Variants in PGCKA1 observed in about 807,000 individuals in gnomAD.
PGCKA1 encodes the protein PDCD10 and GCKIII kinases-associated protein 1.
chr4:37,458,563 C>T, the PGCKA1 span, among the ~76,000 whole-genome samples: 2 of 152,094 alleles, frequency 1.3e-5, no homozygotes, highest in African/African-American at 2.4e-5. Context: ...GGCCATGTCA[C>T]GTGGGGAGCA....
chr4:37,535,185 C>T, the PGCKA1 span, among the ~76,000 whole-genome samples: 30 of 152,258 alleles, frequency 2.0e-4, no homozygotes, highest in Non-Finnish European at 8.8e-5. Flanking sequence ...TCCATGGACA[C>T]GGCCAGTAAA....
chr4:37,502,934 G>C, the PGCKA1 span, among the ~76,000 whole-genome samples: 1 of 152,112 alleles, frequency 6.6e-6, no homozygotes, highest in African/African-American at 2.4e-5. Context: ...GACTGGCCCT[G>C]TCTGATGGGC....
chr4:37,490,159 A>T, the PGCKA1 span, among the ~76,000 whole-genome samples: 3 of 152,188 alleles, frequency 2.0e-5, no homozygotes, highest in African/African-American at 7.2e-5. Context: ...CTCAGTTTTC[A>T]TTGCTCTCCT....
At chr4:37,528,061 G>C in the PGCKA1 span, among the ~76,000 whole-genome samples, 3 of 152,076 alleles carry the variant, frequency 2.0e-5, no homozygotes, top group African/African-American at 7.2e-5. Context: ...CATAAATACT[G>C]ATATCTGGCT....
the PGCKA1 span, among the ~76,000 whole-genome samples, chr4:37,557,566 A>T: frequency 4.5e-3 from 691 of 152,256 alleles, 5 homozygotes; most frequent in Non-Finnish European, 7.2e-3. Flanking sequence ...GCTCTCTGGG[A>T]TCTCTTTAAT....
chr4:37,484,635 C>T, the PGCKA1 span, among the ~76,000 whole-genome samples: 15,895 of 152,252 alleles, frequency 0.1, 1,055 homozygotes, highest in South Asian at 0.26. Flanking sequence ...TAACAGCCTG[C>T]GGAACTGTGA....
the PGCKA1 span, among the ~76,000 whole-genome samples, chr4:37,579,196 G>T: frequency 3.3e-5 from 5 of 151,906 alleles, no homozygotes; most frequent in African/African-American, 1.2e-4. Context: ...TTAACTTTTT[G>T]TTGTATCTAT....
the PGCKA1 span, among the ~76,000 whole-genome samples, chr4:37,457,987 A>G: frequency 3.3e-5 from 5 of 152,336 alleles, no homozygotes; most frequent in African/African-American, 1.2e-4. Context: ...CCCTAAGTCT[A>G]CAAGAAAAAC....
chr4:37,518,831 A>C, the PGCKA1 span, among the ~76,000 whole-genome samples: 32 of 152,192 alleles, frequency 2.1e-4, no homozygotes, highest in African/African-American at 7.5e-4. Context: ...GTATTGCTCA[A>C]AACATTTTTG....
the PGCKA1 span, among the ~76,000 whole-genome samples, chr4:37,541,454 C>G: frequency 3.3e-5 from 5 of 152,200 alleles, no homozygotes; most frequent in African/African-American, 1.2e-4. Context: ...GACCCTTTAA[C>G]AGGGTGGTGA....
the PGCKA1 span, among the ~76,000 whole-genome samples, chr4:37,542,682 A>G: frequency 1.3e-5 from 2 of 152,170 alleles, no homozygotes; most frequent in Non-Finnish European, 2.9e-5. Context: ...ATTTTAATGT[A>G]TTTAATTTTA....
the PGCKA1 span, among the ~76,000 whole-genome samples, chr4:37,521,894 T>G: frequency 6.6e-6 from 1 of 152,232 alleles, no homozygotes. Flanking sequence ...ATATTTAAAA[T>G]TGTTATATCC....
the PGCKA1 span, among the ~76,000 whole-genome samples, chr4:37,572,949 G>A: frequency 1.9e-4 from 29 of 152,186 alleles, no homozygotes; most frequent in Admixed American, 3.9e-4. Context: ...TAAAAACAAG[G>A]GCATTCTCTT....
At chr4:37,578,848 G>A in the PGCKA1 span, among the ~76,000 whole-genome samples, 4 of 152,016 alleles carry the variant, frequency 2.6e-5, no homozygotes, top group African/African-American at 9.7e-5. Flanking sequence ...CCTGAAGTCA[G>A]GAGTTTGAGA....
the PGCKA1 span, among the ~76,000 whole-genome samples, chr4:37,554,003 A>C: frequency 1.3e-5 from 2 of 152,124 alleles, no homozygotes; most frequent in African/African-American, 4.8e-5. Context: ...CCCCACCCAA[A>C]TCTCATCTTG....
chr4:37,562,075 A>T, the PGCKA1 span, among the ~76,000 whole-genome samples: 74,796 of 151,758 alleles, frequency 0.49, 18,903 homozygotes, highest in East Asian at 0.67. Flanking sequence ...CATGAGAAGA[A>T]ACCCATTTAC....
At chr4:37,562,758 A>G in the PGCKA1 span, among the ~76,000 whole-genome samples, 1 of 152,166 alleles carries the variant, frequency 6.6e-6, no homozygotes, top group African/African-American at 2.4e-5. Context: ...TCATGTATCT[A>G]TATACTTGTC....
the PGCKA1 span, among the ~76,000 whole-genome samples, chr4:37,563,595 G>A: frequency 2.0e-5 from 3 of 152,136 alleles, no homozygotes; most frequent in African/African-American, 7.2e-5. Flanking sequence ...TTCAACATGT[G>A]AATTTGGGGG....
At chr4:37,526,147 T>A in the PGCKA1 span, among the ~76,000 whole-genome samples, 1 of 152,354 alleles carries the variant, frequency 6.6e-6, no homozygotes, top group South Asian at 2.1e-4. Context: ...TGAATTACTA[T>A]CGCACTAGAA....
Sources: allele counts gnomAD v4.1 joint callset (sites outside exome capture counted in the v4.1 genomes callset), GRCh38; gene constraint gnomAD v4.1.1; transcripts MANE v1.5; gene names NCBI Gene and HGNC (gene_info 2026-07-23, HGNC 2026-07-21).